The following NKAIN2 variants were observed in gnomAD, a reference collection of about 807,000 sequenced individuals.
The protein encoded by NKAIN2 is sodium/potassium-transporting ATPase subunit beta-1-interacting protein 2.
A neutral mutation model predicts 32.6 loss-of-function variants in NKAIN2; 14 were observed. The observed-to-expected ratio is 0.43, with a 90% CI of 0.28 to 0.67. NKAIN2 has a LOEUF of 0.67. Among genes scored for constraint, NKAIN2 ranks in the 30% least tolerant of loss-of-function variants. NKAIN2 has a pLI of 0.17. For synonymous variants in NKAIN2, 80 were observed against 87.2 expected, an observed-to-expected ratio of 0.92 and a Z score of 0.46; for missense variants, 198 against 258.3, an observed-to-expected ratio of 0.77 and a Z score of 1.60.
intron 2 of NKAIN2, among the ~76,000 whole-genome samples, chr6:124,342,237 T>TAA (rs532210636): frequency 0.053 from 7,607 of 143,206 alleles, 274 homozygotes; most frequent in East Asian, 0.11. Context: ...CCGTGTCTAC[T>TAA]AAAAAAAAAA....
intron 1 of NKAIN2, among the ~76,000 whole-genome samples, chr6:123,920,772 T>G (rs1447490429): frequency 1.3e-5 from 2 of 152,198 alleles, no homozygotes; most frequent in Admixed American, 1.3e-4. Context: ...TCTATCAAGA[T>G]GATTGTAATG....
intron 2 of NKAIN2, among the ~76,000 whole-genome samples, chr6:124,304,823 G>T (rs927646703): frequency 2.4e-4 from 36 of 152,108 alleles, no homozygotes; most frequent in Admixed American, 1.0e-3. Flanking sequence ...CTGAGGCAGG[G>T]GACTCACTTA....
intron 1 of NKAIN2, among the ~76,000 whole-genome samples, chr6:124,240,894 T>C (rs546220213): frequency 2.0e-4 from 30 of 152,034 alleles, no homozygotes; most frequent in African/African-American, 7.2e-4. Flanking sequence ...CTGGCTGGGG[T>C]AATCAGGCAA....
intron 3 of NKAIN2, among the ~76,000 whole-genome samples, chr6:124,410,673 T>A (rs2114494043): frequency 6.6e-6 from 1 of 152,312 alleles, no homozygotes; most frequent in Non-Finnish European, 1.5e-5. Flanking sequence ...GTATATTCTA[T>A]TGATTTGGGG....
At chr6:124,275,074 A>G (rs917704824) in intron 1 of NKAIN2, among the ~76,000 whole-genome samples, 4 of 152,144 alleles carry the variant, frequency 2.6e-5, no homozygotes, top group Non-Finnish European at 5.9e-5. Context: ...ATAATATGCT[A>G]GTCATCAGCT....
chr6:124,480,115 A>G (rs1777384955), intron 3 of NKAIN2, among the ~76,000 whole-genome samples: 1 of 152,202 alleles, frequency 6.6e-6, no homozygotes, highest in South Asian at 2.1e-4. Context: ...TTTTTAGTTC[A>G]TGACATTACA....
chr6:124,344,720 A>T (rs1015239237), intron 2 of NKAIN2, among the ~76,000 whole-genome samples: 2 of 152,174 alleles, frequency 1.3e-5, no homozygotes, highest in Admixed American at 6.5e-5. Context: ...TATGAGCTTA[A>T]GGAGATTTTG....
intron 4 of NKAIN2, among the ~76,000 whole-genome samples, chr6:124,713,750 TAGG>T (rs1288219420): frequency 2.0e-5 from 3 of 152,148 alleles, no homozygotes. Context: ...ACTCTAGAAA[TAGG>T]AGGGTAAAAT....
At chr6:124,334,559 G>C (rs12203962) in intron 2 of NKAIN2, among the ~76,000 whole-genome samples, 21,437 of 151,914 alleles carry the variant, frequency 0.14, 1,985 homozygotes, top group Admixed American at 0.23. Flanking sequence ...CTGGTGGGGG[G>C]CACTAGAAGA....
At chr6:124,543,380 A>G (rs1562247441) in intron 3 of NKAIN2, among the ~76,000 whole-genome samples, 2 of 152,158 alleles carry the variant, frequency 1.3e-5, no homozygotes, top group Non-Finnish European at 2.9e-5. Context: ...TTCGATACTA[A>G]TTGCCTACAG....
At chr6:124,321,595 G>A (rs972999534) in intron 2 of NKAIN2, among the ~76,000 whole-genome samples, 1 of 152,126 alleles carries the variant, frequency 6.6e-6, no homozygotes, top group African/African-American at 2.4e-5. Flanking sequence ...CTTTCTGCAA[G>A]CTCCCAGTGC....
At chr6:124,510,974 A>G (rs778732225) in intron 3 of NKAIN2, among the ~76,000 whole-genome samples, 3 of 152,182 alleles carry the variant, frequency 2.0e-5, no homozygotes, top group African/African-American at 7.2e-5. Flanking sequence ...ATTCATCTCA[A>G]TATACACATA....
intron 3 of NKAIN2, among the ~76,000 whole-genome samples, chr6:124,650,024 T>TA (rs1014985028): frequency 1.8e-4 from 28 of 152,208 alleles, no homozygotes; most frequent in African/African-American, 5.8e-4. Flanking sequence ...AGAGTACCTA[T>TA]AAAAAAATCT....
chr6:124,519,846 A>G (rs112772828), intron 3 of NKAIN2, among the ~76,000 whole-genome samples: 1 of 152,222 alleles, frequency 6.6e-6, no homozygotes, highest in South Asian at 2.1e-4. Context: ...ATGTCTTACT[A>G]CTTAGACCAT....
At chr6:123,969,751 G>C (rs1778254067) in intron 1 of NKAIN2, among the ~76,000 whole-genome samples, 1 of 152,110 alleles carries the variant, frequency 6.6e-6, no homozygotes, top group Non-Finnish European at 1.5e-5. Context: ...CTTCCCCTAG[G>C]ACAGAGTAAA....
In NKAIN2 at chr6:124,329,039, C is replaced by A. The variant is rs567149846; in HGVS notation, c.193-26228C>A. Reference sequence around the variant, plus strand: ...ATTAGAGAGTAAAACCACAGCCCCACTGCTGCAGATGGTTGTGAGAAAACT... The same window carrying A: ...ATTAGAGAGTAAAACCACAGCCCCAATGCTGCAGATGGTTGTGAGAAAACT... On this transcript the variant is annotated intron_variant, in intron 2 of 6. Coordinates refer to ENST00000368417, the MANE Select transcript of NKAIN2 (RefSeq NM_001040214.3). Among the ~76,000 whole-genome samples, 6 of 152,308 alleles carry A rather than the reference C, an allele frequency of 3.9e-5. No individual in the cohort carries two copies. The East Asian group carries it at 1.2e-3, about 29-fold the overall frequency.
chr6:124,000,020 A>G (rs553239345), intron 1 of NKAIN2, among the ~76,000 whole-genome samples: 1 of 152,228 alleles, frequency 6.6e-6, no homozygotes, highest in African/African-American at 2.4e-5. Flanking sequence ...ATTTGAAACC[A>G]ACCCCCTATA....
At chr6:124,479,839 AAAAC>A (rs1351841763) in intron 3 of NKAIN2, among the ~76,000 whole-genome samples, 9 of 152,194 alleles carry the variant, frequency 5.9e-5, no homozygotes, top group African/African-American at 1.4e-4. Context: ...AAACAAAAGA[AAAAC>A]AAACAATAAC....
chr6:124,635,696 A>C (rs1173152285), intron 3 of NKAIN2, among the ~76,000 whole-genome samples: 2 of 152,076 alleles, frequency 1.3e-5, no homozygotes, highest in African/African-American at 4.8e-5. Context: ...ATTATAAAGA[A>C]GGTCATTGTA....
Sources: allele counts gnomAD v4.1 joint callset (sites outside exome capture counted in the v4.1 genomes callset), GRCh38; gene constraint gnomAD v4.1.1; transcripts MANE v1.5; gene names NCBI Gene and HGNC (gene_info 2026-07-23, HGNC 2026-07-21).